DENND1A: variants seen among roughly 807,000 people sequenced by gnomAD.
DENND1A encodes DENN domain-containing protein 1A.
A neutral mutation model predicts 113.7 loss-of-function variants in DENND1A; 51 were observed. The ratio of observed to expected loss-of-function variants is 0.45; its 90% confidence interval spans 0.36 to 0.57. DENND1A has a LOEUF of 0.57. DENND1A is among the 20% of genes least tolerant of loss of function. The probability of loss-of-function intolerance (pLI) is 0.00; values close to 1 mark genes in which losing one functional copy is unlikely to be tolerated. For missense variants in DENND1A, 1,258 were observed against 1,395.9 expected (o/e 0.90, Z 1.57); for synonymous variants, 565 against 570.8 (o/e 0.99, Z 0.14).
chr9:123,383,899 C>T lies in DENND1A; in HGVS notation c.1775G>A (p.Arg592Gln), dbSNP rs1418366783. Residue 592 changes from arginine (R) to glutamine (Q), a missense_variant, in exon 23 of 24, where the codon CGG becomes CAG. Physicochemically the swap from Arg to Gln is conservative, Grantham distance 43. This residue lies in a region of DENND1A where 1,159 missense variants were observed against 1,231.7 expected (regional missense o/e 0.94). Coordinates refer to ENST00000394215, the MANE Select transcript of DENND1A (RefSeq NM_001352964.2). ...SAPFEWPQPY[R>Q]TLRESDSAEG... The stretch of plus-strand genomic sequence containing the variant: ...CGCGCTGTCTGACTCCCTGAGTGTC[C>T]GATACGGCTGCGGCCTGTCGGGGAC... 10 of 1,610,980 alleles carry T rather than the reference C, an allele frequency of 6.2e-6. No individual in the cohort carries two copies. Among genetic ancestry groups the T allele is most frequent in the Admixed American group, 1.7e-5 (1 of 59,976 alleles).
rs529756088 is a variant in DENND1A, at chr9:123,801,707, T to C, written c.89-9077A>G. On this transcript the variant is annotated intron_variant, in intron 2 of 23. Transcript: ENST00000394215. ...TTTTGAGGACCTTTACCATTTTTAATGTTTTAAGAACTTTATGTAGTAAAG... is the reference window on the plus strand; with the variant it reads ...TTTTGAGGACCTTTACCATTTTTAACGTTTTAAGAACTTTATGTAGTAAAG... 2.6e-5 allele frequency among the ~76,000 whole-genome samples: 4 copies of C among 152,362 alleles called. No homozygotes were observed. In the South Asian group the frequency reaches 8.3e-4, roughly 32 times the overall value.
At chr9:123,651,680 A>G (rs1209425134) in intron 9 of DENND1A, among the ~76,000 whole-genome samples, 1 of 152,258 alleles carries the variant, frequency 6.6e-6, no homozygotes, top group Non-Finnish European at 1.5e-5. Context: ...GGCCATCAAG[A>G]GAAGGATTTA....
intron 5 of DENND1A, among the ~76,000 whole-genome samples, chr9:123,711,088 C>A (rs2066553712): frequency 6.6e-6 from 1 of 152,094 alleles, no homozygotes; most frequent in African/African-American, 2.4e-5. Flanking sequence ...AGTTAAATAG[C>A]TTGATTTAGC....
At chr9:123,449,758 T>C (rs549851542) in intron 18 of DENND1A, among the ~76,000 whole-genome samples, 1 of 152,198 alleles carries the variant, frequency 6.6e-6, no homozygotes, top group Non-Finnish European at 1.5e-5. Flanking sequence ...AAACCAAACA[T>C]TGTATGTTAT....
rs376355710 is a variant in DENND1A, at chr9:123,557,588, G to A, written c.975C>T (p.Asn325=). The change falls in exon 13 of 24, where the codon AAC becomes AAT. Residue 325 remains asparagine (N), a synonymous_variant. Coordinates refer to ENST00000394215, the MANE Select transcript of DENND1A (RefSeq NM_001352964.2). ...AQAAFFGSYR[N]ALKIEPEEPI... ...TACTCACCGGCTCGATTTTCAGAGC[G>A]TTTCGGTAGCTACCGAAGAAAGCAG... 93 of 1,613,758 alleles carry A rather than the reference G, an allele frequency of 5.8e-5. No homozygotes were observed. Among genetic ancestry groups the A allele is most frequent in the South Asian group, 2.9e-4 (26 of 91,004 alleles).
In DENND1A at chr9:123,764,259, A is replaced by G. The variant is rs2071279346; in HGVS notation, c.182+5255T>C. Among the ~76,000 whole-genome samples, 1 of 152,224 alleles carries G rather than the reference A, an allele frequency of 6.6e-6. No homozygotes were observed. The highest frequency in any genetic ancestry group is 1.5e-5 in the Non-Finnish European group (1 of 68,026). On this transcript the variant is annotated intron_variant, in intron 4 of 23. Coordinates refer to ENST00000394215, the MANE Select transcript of DENND1A (RefSeq NM_001352964.2). This position sits in a 1 kb window ranked among gnomAD's most constrained non-coding sequence, Gnocchi z 4.1. ...GACAAAAATGATCATCACTACTGTT[A>G]TGCAATTATAAAATTCAAGAGATAG...
rs777911428 is a variant in DENND1A at position 123,436,667 on chromosome 9, C to T, written c.1488+3693G>A. 9.2e-5 allele frequency among the ~76,000 whole-genome samples: 14 copies of T among 152,208 alleles called. 1 individual carries two copies. Among genetic ancestry groups the T allele is most frequent in the Non-Finnish European group, 1.3e-4 (9 of 68,040 alleles). ...CAGAGGCTAACTAGAAACCTATTTA[C>T]TTTGCTCTTATAAGCTGAGTGGCCT... is the stretch of plus-strand genomic sequence containing the variant. On this transcript the variant is annotated intron_variant, in intron 19 of 23. Transcript: ENST00000394215.
At chr9:123,917,809 T>C (rs1344315405) in intron 1 of DENND1A, among the ~76,000 whole-genome samples, 1 of 152,032 alleles carries the variant, frequency 6.6e-6, no homozygotes, top group East Asian at 1.9e-4. Flanking sequence ...AAGGGAGCTA[T>C]TAGAAACTAC....
intron 1 of DENND1A, among the ~76,000 whole-genome samples, chr9:123,885,601 A>G (rs1444937336): frequency 6.6e-6 from 1 of 152,262 alleles, no homozygotes; most frequent in Non-Finnish European, 1.5e-5. Flanking sequence ...GCTCTTAAAC[A>G]CTGAAAAATG....
chr9:123,571,106 A>T (rs748491989), intron 12 of DENND1A, among the ~76,000 whole-genome samples: 6 of 152,056 alleles, frequency 3.9e-5, no homozygotes, highest in Non-Finnish European at 8.8e-5. Context: ...AACAAAGCTA[A>T]CTCAGACAAG....
intron 6 of DENND1A, among the ~76,000 whole-genome samples, chr9:123,673,570 T>C (rs1170993353): frequency 6.6e-6 from 1 of 152,244 alleles, no homozygotes; most frequent in Non-Finnish European, 1.5e-5. Flanking sequence ...CAATGGTATT[T>C]AGAAACCAAG....
intron 1 of DENND1A, among the ~76,000 whole-genome samples, chr9:123,888,814 A>T (rs556537338): frequency 6.6e-6 from 1 of 152,292 alleles, no homozygotes; most frequent in East Asian, 1.9e-4. Flanking sequence ...CAGTCTTAGG[A>T]TTAGACGTAG....
chr9:123,441,708 T>A (rs997023263), intron 18 of DENND1A, among the ~76,000 whole-genome samples: 1 of 152,178 alleles, frequency 6.6e-6, no homozygotes, highest in Non-Finnish European at 1.5e-5. Context: ...AGAGAATACA[T>A]GTACAAATAA....
At chr9:123,889,475 T>C (rs565504333) in intron 1 of DENND1A, among the ~76,000 whole-genome samples, 4 of 152,154 alleles carry the variant, frequency 2.6e-5, no homozygotes, top group South Asian at 4.2e-4. Context: ...CTCAAAACCA[T>C]TAGGCTTTCA....
At chr9:123,668,694 G>A (rs889471712) in intron 7 of DENND1A, among the ~76,000 whole-genome samples, 10 of 152,026 alleles carry the variant, frequency 6.6e-5, no homozygotes, top group African/African-American at 2.4e-4. Flanking sequence ...AAATAAAAAA[G>A]TAAAAAATAA....
At position 123,738,443 on chromosome 9, in the gene DENND1A, CTGTGTGTGTG is replaced by C. The variant is rs59851560; in HGVS notation, c.302+19250_302+19259del. On this transcript the variant is annotated intron_variant, in intron 5 of 23. Coordinates refer to ENST00000394215, the MANE Select transcript of DENND1A (RefSeq NM_001352964.2). ...TGAAAAACTGCCGTGTCAACAGCTT[CTGTGTGTGTG>C]TGTGTGTGTGTGTGTGTGTGTGTGT... is the stretch of plus-strand genomic sequence containing the variant. Among the ~76,000 whole-genome samples, 287 of 143,436 alleles carry C rather than the reference CTGTGTGTGTG, an allele frequency of 2.0e-3. 1 individual carries two copies. The highest frequency in any genetic ancestry group is 6.0e-3 in the African/African-American group (237 of 39,304). The allele number at this position is 143,436 out of a possible 152,430, so 94.1% of individuals were successfully genotyped here. A position where few individuals can be genotyped will look rare whatever the true frequency, so the allele number is the denominator to read the frequency against.
chr9:123,592,457 C>T (rs1391071483), intron 11 of DENND1A, among the ~76,000 whole-genome samples: 4 of 152,132 alleles, frequency 2.6e-5, no homozygotes, highest in Non-Finnish European at 5.9e-5. Context: ...CCTCAGTTTC[C>T]CTATCTGTAT....
intron 12 of DENND1A, among the ~76,000 whole-genome samples, chr9:123,571,249 T>G (rs1467379517): frequency 6.6e-6 from 1 of 152,218 alleles, no homozygotes; most frequent in Non-Finnish European, 1.5e-5. Flanking sequence ...TACTTAATAT[T>G]GGAACTCCAC....
intron 2 of DENND1A, among the ~76,000 whole-genome samples, chr9:123,816,500 G>A (rs1837513368): frequency 6.6e-6 from 1 of 152,158 alleles, no homozygotes; most frequent in African/African-American, 2.4e-5. Flanking sequence ...AGTTTTAAGG[G>A]AGGTTTATAA....
Sources: allele counts gnomAD v4.1 joint callset (sites outside exome capture counted in the v4.1 genomes callset), GRCh38; gene constraint gnomAD v4.1.1; regional missense constraint gnomAD v4.1.1; non-coding constraint Gnocchi (gnomAD v3.1); transcripts MANE v1.5; gene names NCBI Gene and HGNC (gene_info 2026-07-23, HGNC 2026-07-21).